Variants in ADGRV1 observed in about 807,000 individuals in gnomAD.
ADGRV1 encodes the protein G-protein coupled receptor 98.
In ADGRV1, 359 loss-of-function variants were observed where a neutral mutation model predicts 596.2. The observed-to-expected ratio is 0.60, with a 90% CI of 0.55 to 0.66. The LOEUF (loss-of-function observed/expected upper bound fraction) is 0.66, where lower values mean the gene tolerates loss of function less well. ADGRV1 is among the 30% of genes least tolerant of loss of function. ADGRV1 has a pLI of 0.00. For synonymous variants in ADGRV1, 2,681 were observed against 2,679.2 expected (o/e 1.00, Z -0.02); for missense variants, 7,274 against 7,575.6 (o/e 0.96, Z 1.48).
chr5:90,845,632 TA>T (rs968160610), intron 78 of ADGRV1, among the ~76,000 whole-genome samples: 1 of 152,116 alleles, frequency 6.6e-6, no homozygotes, highest in African/African-American at 2.4e-5. Context: ...TAATATTTTT[TA>T]AAATCACCCA....
chr5:91,094,936 C>G (rs1790724265), intron 86 of ADGRV1, among the ~76,000 whole-genome samples: 1 of 152,090 alleles, frequency 6.6e-6, no homozygotes, highest in South Asian at 2.1e-4. Context: ...AAATGAAGAA[C>G]CTGGCACATA....
chr5:90,998,213 A>C (rs1390190166), intron 85 of ADGRV1, among the ~76,000 whole-genome samples: 5 of 152,218 alleles, frequency 3.3e-5, no homozygotes, highest in African/African-American at 1.2e-4. Flanking sequence ...TTTTCATCAT[A>C]AATGAGAAAG....
At position 90,753,684 on chromosome 5, in the gene ADGRV1, A is replaced by G. The variant is rs760501464; in HGVS notation, c.11232A>G (p.Thr3744=). The G allele has an allele frequency of 4.3e-5, 69 of 1,613,588 alleles. No individual in the cohort carries two copies. Among genetic ancestry groups the G allele is most frequent in the Non-Finnish European group, 5.4e-5 (64 of 1,179,704 alleles). ...TTGTAACCCTCACCCGTATCACCAC[A>G]GAAGGGGTTGAGGACTCATACAAAG... The part of the protein sequence containing the change: ...VVIVTLTRIT[T]EGVEDSYKGA... The change falls in exon 54 of 90, where the codon ACA becomes ACG. Residue 3744 remains threonine, a synonymous_variant. Coordinates refer to ENST00000405460, the MANE Select transcript of ADGRV1 (RefSeq NM_032119.4).
chr5:90,778,774 C>T lies in ADGRV1; in HGVS notation c.12850-91C>T, dbSNP rs556316847. ...TTTATAACCTTATATGTAATTTTAA[C>T]ACAATCCTGGTAAATAGAACGTTTA... is the stretch of plus-strand genomic sequence containing the variant. On this transcript the variant is annotated intron_variant, in intron 63 of 89. Coordinates refer to ENST00000405460, the MANE Select transcript of ADGRV1 (RefSeq NM_032119.4). 11 of 1,167,092 alleles carry T rather than the reference C, an allele frequency of 9.4e-6. No individual in the cohort carries two copies. The African/African-American group carries it at 1.1e-4, about 11-fold the overall frequency. The allele number at this position is 1,167,092 out of a possible 1,614,324, so 72.3% of individuals were successfully genotyped here. A position where few individuals can be genotyped will look rare whatever the true frequency, so the allele number is the denominator to read the frequency against.
chr5:90,654,051 A>G, intron 20 of ADGRV1, 99 bp downstream of exon 20: 3 of 1,210,522 alleles, frequency 2.5e-6, no homozygotes, highest in Non-Finnish European at 3.5e-6. Context: ...TGTATTTGAA[A>G]ACTCTACTTA....
At chr5:90,847,451 T>A (rs890464964) in intron 78 of ADGRV1, among the ~76,000 whole-genome samples, 5 of 152,212 alleles carry the variant, frequency 3.3e-5, no homozygotes, top group African/African-American at 1.2e-4. Context: ...CCAGCTGGCT[T>A]CACCCAGTGG....
At position 90,558,835 on chromosome 5, in the gene ADGRV1, G is replaced by C. The variant is rs548497029; in HGVS notation, c.-61G>C. The C allele has an allele frequency of 3.3e-6, 5 of 1,527,682 alleles. No individual in the cohort carries two copies. In the East Asian group the frequency reaches 7.2e-5, roughly 22 times the overall value. The allele number at this position is 1,527,682 out of a possible 1,614,324, so 94.6% of individuals were successfully genotyped here. A position where few individuals can be genotyped will look rare whatever the true frequency, so the allele number is the denominator to read the frequency against. ...AGCAGCGCGGGCAAGGAGTACGGAC[G>C]GGAGTCAGAGGCAGAGCGAGGGTGT... On this transcript the variant is annotated 5_prime_UTR_variant, in exon 1 of 90. Transcript: ENST00000405460.
intron 42 of ADGRV1, among the ~76,000 whole-genome samples, chr5:90,715,111 A>T (rs1181524687): frequency 6.6e-6 from 1 of 152,208 alleles, no homozygotes; most frequent in African/African-American, 2.4e-5. Flanking sequence ...CTTTTATACC[A>T]TTGCCTTCCC....
intron 1 of ADGRV1, among the ~76,000 whole-genome samples, chr5:90,579,109 G>T (rs190566172): frequency 3.3e-5 from 5 of 152,232 alleles, no homozygotes; most frequent in African/African-American, 4.8e-5. Context: ...GTCTCCTTCA[G>T]TTCTGCTCTG....
chr5:90,765,468 C>CAA (rs1445494750), intron 59 of ADGRV1, among the ~76,000 whole-genome samples: 1 of 146,976 alleles, frequency 6.8e-6, no homozygotes, highest in Non-Finnish European at 1.5e-5. Context: ...CACACACACA[C>CAA]ACAAACTCTA....
chr5:90,701,937 C>T (rs996907192), intron 34 of ADGRV1, among the ~76,000 whole-genome samples: 4 of 151,460 alleles, frequency 2.6e-5, no homozygotes, highest in Non-Finnish European at 5.9e-5. Context: ...TCTCTTTGCA[C>T]TTTAGTACTT....
At position 90,823,581 on chromosome 5, in the gene ADGRV1, A is replaced by C. The variant is rs1384813579; in HGVS notation, c.16353A>C (p.Glu5451Asp). Reference sequence around the variant, plus strand: ...AAACAAAATGCTTTATCAGCATTGAACTCAAACCAGAAAAGGTAAGAAATG... The same window carrying C: ...AAACAAAATGCTTTATCAGCATTGACCTCAAACCAGAAAAGGTAAGAAATG... ...MGQTKCFISI[E>D]LKPEKVPQVE... The change falls in exon 76 of 90, where the codon GAA becomes GAC. Residue 5451 changes from glutamate to aspartate, a missense_variant. Glu to Asp is a conservative substitution (Grantham distance 45, BLOSUM62 2). Coordinates refer to ENST00000405460, the MANE Select transcript of ADGRV1 (RefSeq NM_032119.4). The C allele has an allele frequency of 1.9e-6, 3 of 1,613,750 alleles. No homozygotes were observed.
intron 87 of ADGRV1, among the ~76,000 whole-genome samples, chr5:91,148,174 G>T (rs1286913834): frequency 6.6e-6 from 1 of 152,184 alleles, no homozygotes; most frequent in Non-Finnish European, 1.5e-5. Flanking sequence ...CAGTAGAAAA[G>T]AAAAACCCAT....
At chr5:91,078,127 C>T (rs975746555) in intron 86 of ADGRV1, among the ~76,000 whole-genome samples, 2 of 152,088 alleles carry the variant, frequency 1.3e-5, no homozygotes, top group African/African-American at 4.8e-5. Flanking sequence ...TACATGGGAG[C>T]ATTATTTGAG....
At chr5:90,801,530 TTG>T (rs1322632171) in intron 70 of ADGRV1, among the ~76,000 whole-genome samples, 1 of 151,866 alleles carries the variant, frequency 6.6e-6, no homozygotes, top group Admixed American at 6.6e-5. Flanking sequence ...TGTGATTTAT[TTG>T]TTTTTTTTTT....
chr5:90,911,960 A>C (rs1408910188), intron 83 of ADGRV1, among the ~76,000 whole-genome samples: 2 of 152,040 alleles, frequency 1.3e-5, no homozygotes, highest in Non-Finnish European at 2.9e-5. Context: ...TAAAAGCAGC[A>C]TGTCAGGTCT....
At chr5:90,875,751 A>G (rs1769161776) in intron 83 of ADGRV1, among the ~76,000 whole-genome samples, 1 of 152,248 alleles carries the variant, frequency 6.6e-6, no homozygotes. Flanking sequence ...ATTAAGAAGC[A>G]GGTTTGGAGA....
chr5:90,655,759 TTA>T (rs1491546321), intron 20 of ADGRV1: 1 of 151,978 alleles, frequency 6.6e-6, no homozygotes, highest in Non-Finnish European at 1.5e-5. Flanking sequence ...AAAGGTGTAT[TTA>T]AAAAAAAATA....
intron 78 of ADGRV1, among the ~76,000 whole-genome samples, chr5:90,847,764 G>A (rs905484560): frequency 6.6e-6 from 1 of 152,218 alleles, no homozygotes; most frequent in African/African-American, 2.4e-5. Flanking sequence ...GCTGGCCGCT[G>A]AATGCGGGGC....
Sources: allele counts gnomAD v4.1 joint callset (sites outside exome capture counted in the v4.1 genomes callset), GRCh38; gene constraint gnomAD v4.1.1; transcripts MANE v1.5; gene names NCBI Gene and HGNC (gene_info 2026-07-23, HGNC 2026-07-21).